Variants in DENND3 observed in about 807,000 individuals in gnomAD.
The protein encoded by DENND3 is DENN domain-containing protein 3.
A neutral mutation model predicts 135.1 loss-of-function variants in DENND3; 88 were observed. The observed-to-expected ratio is 0.65, with a 90% CI of 0.55 to 0.78. The LOEUF is 0.78. DENND3 is among the 30% of genes least tolerant of loss of function. The pLI is 0.00. For missense variants in DENND3, 1,392 were observed against 1,688.4 expected (o/e 0.82, Z 3.08); for synonymous variants, 693 against 712.3 (o/e 0.97, Z 0.43).
In DENND3 at chr8:141,144,084, C is replaced by G. The variant is rs1041049458; in HGVS notation, c.624-64C>G. 6.5e-6 allele frequency: 9 copies of G among 1,394,718 alleles called. No homozygotes were observed. The highest frequency in any genetic ancestry group is 9.0e-6 in the Non-Finnish European group (9 of 1,001,936). 86.4% of individuals were successfully genotyped at this position (1,394,718 alleles called of 1,614,324 possible). On this transcript the variant is annotated intron_variant, in intron 4 of 22. Coordinates refer to ENST00000519811, the MANE Select transcript of DENND3 (RefSeq NM_001352890.3). The surrounding 1 kb of genome is among the most constrained non-coding windows in gnomAD (Gnocchi z 4.4). Reference sequence around the variant, plus strand: ...GGAGATTCCAGTGTGATTAGAAACGCTAACGATGACAACTGCGTTCTCATC... The same window carrying G: ...GGAGATTCCAGTGTGATTAGAAACGGTAACGATGACAACTGCGTTCTCATC...
rs1269376651 is a variant in DENND3 at position 141,154,897 on chromosome 8, T to C, written c.1075-952T>C. Among the ~76,000 whole-genome samples, 1 of 152,190 alleles carries C rather than the reference T, an allele frequency of 6.6e-6. No homozygotes were observed. Among genetic ancestry groups the C allele is most frequent in the Non-Finnish European group, 1.5e-5 (1 of 68,036 alleles). ...ATCTTCACTGAAAGAGAAAGGCATA[T>C]GGGTAAGCAAAATGTGGTCTTTCCA... On this transcript the variant is annotated intron_variant, in intron 7 of 22. Transcript: ENST00000519811. The surrounding 1 kb of genome is among the most constrained non-coding windows in gnomAD (Gnocchi z 4.4).
Position 141,166,113 on chromosome 8 carries a change from G to A in DENND3, c.1554-77G>A. On this transcript the variant is annotated intron_variant, in intron 11 of 22. Coordinates refer to ENST00000519811, the MANE Select transcript of DENND3 (RefSeq NM_001352890.3). This position sits in a 1 kb window ranked among gnomAD's most constrained non-coding sequence, Gnocchi z 4.3. Reference sequence around the variant, plus strand: ...TGTCATGTGCTCTTCATCACACTGGGAAAAATGCTTAGTTTAGGCTTATTC... The same window carrying A: ...TGTCATGTGCTCTTCATCACACTGGAAAAAATGCTTAGTTTAGGCTTATTC... 1 of 1,435,358 alleles carries A rather than the reference G, an allele frequency of 7.0e-7. No individual in the cohort carries two copies. Among genetic ancestry groups the A allele is most frequent in the Non-Finnish European group, 9.7e-7 (1 of 1,028,192 alleles). 88.9% of individuals were successfully genotyped at this position (1,435,358 alleles called of 1,614,324 possible). A position where few individuals can be genotyped will look rare whatever the true frequency, so the allele number is the denominator to read the frequency against.
chr8:141,186,123 A>G (rs994155789), intron 18 of DENND3, among the ~76,000 whole-genome samples: 5 of 151,844 alleles, frequency 3.3e-5, no homozygotes, highest in African/African-American at 1.2e-4. Context: ...TTTTTTGTAG[A>G]GATGAGGTTT....
In DENND3 at chr8:141,176,718, T is replaced by C. The variant is rs1276153065; in HGVS notation, c.2663T>C (p.Val888Ala). ...GAGTGTGACCTTTGGCACCTGATGGTGAAGGAGATGTGGGCTGGGAAGAAG... is the reference window on the plus strand; with the variant it reads ...GAGTGTGACCTTTGGCACCTGATGGCGAAGGAGATGTGGGCTGGGAAGAAG... ...KTECDLWHLMVKEMWAGKKLA... is the reference protein window; with the variant it reads ...KTECDLWHLMAKEMWAGKKLA... Residue 888 changes from valine to alanine, a missense_variant, in exon 15 of 23, where the codon GTG becomes GCG. Transcript: ENST00000519811. 5 of 1,613,954 alleles carry C rather than the reference T, an allele frequency of 3.1e-6. No individual in the cohort carries two copies. Among genetic ancestry groups the C allele is most frequent in the Non-Finnish European group, 4.2e-6 (5 of 1,179,962 alleles).
chr8:141,189,121 G>A lies in DENND3; in HGVS notation c.3220G>A (p.Val1074Met). The A allele has an allele frequency of 6.2e-7, 1 of 1,614,220 alleles. No individual in the cohort carries two copies. The highest frequency in any genetic ancestry group is 8.5e-7 in the Non-Finnish European group (1 of 1,180,032). The change falls in exon 19 of 23, where the codon GTG becomes ATG. Residue 1074 changes from valine (V) to methionine (M), a missense_variant. Coordinates refer to ENST00000519811, the MANE Select transcript of DENND3 (RefSeq NM_001352890.3). ...AHCSSVTDLI[V>M]QDGQEAPSNV... ...CTGCTCCAGTGTCACGGATTTGATT[G>A]TGCAGGACGGACAGGAGGCACCCAG... is the stretch of plus-strand genomic sequence containing the variant.
In DENND3 at chr8:141,189,018, GTGGGT is replaced by G. The variant is rs1243035836; in HGVS notation, c.3121_3125del (p.Val1041LeufsTer88). The G allele has an allele frequency of 6.2e-7, 1 of 1,614,132 alleles. No homozygotes were observed. The highest frequency in any genetic ancestry group is 8.5e-7 in the Non-Finnish European group (1 of 1,179,998). ...TGGTGATGGCCGACCAGAACCAGGT[GTGGGT>G]TGGCTCGGAAGACTCCGTCATCTAC... On this transcript the variant is annotated frameshift_variant, in exon 19 of 23. Transcript: ENST00000519811. LOFTEE classifies it high-confidence loss of function.
chr8:141,189,293 G>T, intron 19 of DENND3, 147 bp downstream of exon 19: 3 of 1,119,092 alleles, frequency 2.7e-6, no homozygotes, highest in Non-Finnish European at 3.8e-6. Flanking sequence ...AAGCTGGGTG[G>T]TGTCCTCGGT....
chr8:141,176,594 G>T lies in DENND3; in HGVS notation c.2539G>T (p.Val847Phe). The T allele has an allele frequency of 6.2e-7, 1 of 1,614,270 alleles. No homozygotes were observed. Among genetic ancestry groups the T allele is most frequent in the African/African-American group, 1.3e-5 (1 of 75,076 alleles). Residue 847 changes from valine (V) to phenylalanine (F), a missense_variant, in exon 15 of 23, where the codon GTC becomes TTC. By Grantham distance (50) the Val-to-Phe change is conservative (BLOSUM62 -1). Coordinates refer to ENST00000519811, the MANE Select transcript of DENND3 (RefSeq NM_001352890.3). The stretch of plus-strand genomic sequence containing the variant: ...CTTTTCTTTTCTGCCTCTGCAGGAG[G>T]TCAGGAGAACCACTACTACATTTCT... Reference protein sequence around the residue: ...EISTFRNIEEVRRTTTTFLLR... With the variant: ...EISTFRNIEEFRRTTTTFLLR...
At position 141,180,812 on chromosome 8, in the gene DENND3, G is replaced by T; in HGVS notation, c.2902G>T (p.Glu968Ter). The change falls in exon 17 of 23, where the codon GAG becomes TAG. Residue 968 changes from glutamate (E) to a stop codon, truncating the protein, a stop_gained. Transcript: ENST00000519811. LOFTEE classifies it high-confidence loss of function. The stretch of plus-strand genomic sequence containing the variant: ...GCATAAAATCAACCCCTCGGCGGGG[G>T]AGGCGTTCCCACAAGCGGTGGACGT... ...LKHKINPSAGEAFPQAVDVLL... is the reference protein window; with the variant it reads ...LKHKINPSAG 3 of 1,613,434 alleles carry T rather than the reference G, an allele frequency of 1.9e-6. No individual in the cohort carries two copies. Among genetic ancestry groups the T allele is most frequent in the Non-Finnish European group, 2.5e-6 (3 of 1,179,658 alleles).
At chr8:141,187,911 G>C (rs1206011509) in intron 18 of DENND3, among the ~76,000 whole-genome samples, 1 of 152,200 alleles carries the variant, frequency 6.6e-6, no homozygotes, top group Non-Finnish European at 1.5e-5. Flanking sequence ...TCAAGGCTGG[G>C]CGCAGTGGCT....
intron 18 of DENND3, among the ~76,000 whole-genome samples, chr8:141,186,044 G>A (rs901614780): frequency 5.3e-5 from 8 of 151,558 alleles, no homozygotes; most frequent in Admixed American, 5.3e-4. Flanking sequence ...CTGGGCTCAA[G>A]GGATCCACCT....
chr8:141,177,486 T>A (rs1462987671), intron 15 of DENND3: 1 of 152,546 alleles, frequency 6.6e-6, no homozygotes, highest in Non-Finnish European at 1.5e-5. Context: ...TGGCACCCAC[T>A]ACAGTGGCAG....
chr8:141,134,486 AG>A (rs1203067490), intron 1 of DENND3, among the ~76,000 whole-genome samples: 1 of 151,622 alleles, frequency 6.6e-6, no homozygotes, highest in Non-Finnish European at 1.5e-5. Context: ...TAGTAGAGAC[AG>A]GGTTTCACTG....
intron 13 of DENND3, among the ~76,000 whole-genome samples, chr8:141,171,209 AAAC>A (rs1394321408): frequency 3.3e-5 from 5 of 152,266 alleles, no homozygotes; most frequent in African/African-American, 4.8e-5. Context: ...TTGTTAAAAA[AAAC>A]AACAAGGTTT....
In DENND3 at chr8:141,167,117, A is replaced by G. The variant is rs1658042015; in HGVS notation, c.1753+728A>G. On this transcript the variant is annotated intron_variant, in intron 12 of 22. Coordinates refer to ENST00000519811, the MANE Select transcript of DENND3 (RefSeq NM_001352890.3). The surrounding 1 kb of genome is among the most constrained non-coding windows in gnomAD (Gnocchi z 4.1). ...CCGAGGGCTATGGTCTAGCAGGGGC[A>G]GTGCGCATGAATGACAGACCACGTT... Among the ~76,000 whole-genome samples the G allele has an allele frequency of 6.6e-6, 1 of 152,190 alleles. No homozygotes were observed. The highest frequency in any genetic ancestry group is 2.4e-5 in the African/African-American group (1 of 41,444).
At chr8:141,186,333 G>A (rs1243815029) in intron 18 of DENND3, among the ~76,000 whole-genome samples, 1 of 152,116 alleles carries the variant, frequency 6.6e-6, no homozygotes, top group Non-Finnish European at 1.5e-5. Context: ...TTATCCACCT[G>A]TCCCCACGTG....
chr8:141,153,484 G>T (rs564243887), intron 7 of DENND3, among the ~76,000 whole-genome samples: 1 of 152,304 alleles, frequency 6.6e-6, no homozygotes, highest in South Asian at 2.1e-4. Flanking sequence ...TGCCAGCTTC[G>T]CAGTCACCCC....
chr8:141,145,653 T>C (rs1817934652), intron 5 of DENND3, among the ~76,000 whole-genome samples: 1 of 151,904 alleles, frequency 6.6e-6, no homozygotes, highest in African/African-American at 2.4e-5. Flanking sequence ...TAAACAGAGC[T>C]AGTGATATGT....
intron 18 of DENND3, chr8:141,188,679 T>C: frequency 6.5e-6 from 2 of 309,154 alleles, no homozygotes; most frequent in Middle Eastern, 8.8e-4. Flanking sequence ...GCAGAGAAAA[T>C]GCATGTGTGA....
Sources: allele counts gnomAD v4.1 joint callset (sites outside exome capture counted in the v4.1 genomes callset), GRCh38; gene constraint gnomAD v4.1.1; non-coding constraint Gnocchi (gnomAD v3.1); transcripts MANE v1.5; gene names NCBI Gene and HGNC (gene_info 2026-07-23, HGNC 2026-07-21).